COBLL1: variants seen among roughly 807,000 people sequenced by gnomAD.
COBLL1 encodes cordon-bleu protein-like 1.
A neutral mutation model predicts 94.8 loss-of-function variants in COBLL1; 50 were observed. That is an observed-to-expected ratio of 0.53 (90% CI 0.42 to 0.67). The LOEUF is 0.67. COBLL1 is among the 30% of genes least tolerant of loss of function. The probability of loss-of-function intolerance (pLI) is 0.00; values close to 1 mark genes in which losing one functional copy is unlikely to be tolerated. For missense variants in COBLL1, 1,362 were observed against 1,348.7 expected (o/e 1.01, Z -0.15); for synonymous variants, 448 against 473.8 (o/e 0.95, Z 0.71).
At chr2:164,819,041 G>T (rs111346498) in intron 2 of COBLL1, among the ~76,000 whole-genome samples, 2,217 of 151,906 alleles carry the variant, frequency 0.015, 46 homozygotes, top group African/African-American at 0.051. Context: ...AAAGTGCTGG[G>T]ACTACAGGTG....
At chr2:164,716,265 A>G (rs1325423626) in intron 7 of COBLL1, among the ~76,000 whole-genome samples, 3 of 152,172 alleles carry the variant, frequency 2.0e-5, no homozygotes, top group Non-Finnish European at 4.4e-5. Context: ...ATCGTAAATA[A>G]CTGTGTACAT....
intron 2 of COBLL1, among the ~76,000 whole-genome samples, chr2:164,785,571 C>G (rs1241445830): frequency 6.6e-6 from 1 of 152,140 alleles, no homozygotes; most frequent in Non-Finnish European, 1.5e-5. Flanking sequence ...GAGCCAGGAA[C>G]AGACACATAA....
intron 2 of COBLL1, among the ~76,000 whole-genome samples, chr2:164,782,419 A>AAACCGAAT (rs1313621558): frequency 1.3e-4 from 20 of 152,206 alleles, no homozygotes; most frequent in Admixed American, 1.2e-3. Flanking sequence ...TCAACTGAGC[A>AAACCGAAT]AGAAAGATCA....
rs181709543 is a variant in COBLL1, at chr2:164,699,960, C to T, written c.1461-461G>A. Among the ~76,000 whole-genome samples, 8 of 152,002 alleles carry T rather than the reference C, an allele frequency of 5.3e-5. 1 individual carries two copies. Among genetic ancestry groups the T allele is most frequent in the East Asian group, 3.9e-4 (2 of 5,180 alleles). On this transcript the variant is annotated intron_variant, in intron 10 of 13. Coordinates refer to ENST00000652658, the MANE Select transcript of COBLL1 (RefSeq NM_001365672.2). ...ACAATCTCATGCAAATTATAATAAA[C>T]GTCTGACATATATGGTTTATTTTGC...
rs562215246 is a variant in COBLL1 at position 164,709,322 on chromosome 2, C to T, written c.997-4217G>A. 4.6e-5 allele frequency among the ~76,000 whole-genome samples: 7 copies of T among 152,254 alleles called. No homozygotes were observed. In the East Asian group the frequency reaches 1.2e-3, roughly 25 times the overall value. On this transcript the variant is annotated intron_variant, in intron 7 of 13. Coordinates refer to ENST00000652658, the MANE Select transcript of COBLL1 (RefSeq NM_001365672.2). The stretch of plus-strand genomic sequence containing the variant: ...CAGGGGAAGCATTTATTTTACAACC[C>T]TATTCTGTGACATTCACCACCCTTA...
chr2:164,824,932 A>G (rs148044190), intron 2 of COBLL1, among the ~76,000 whole-genome samples: 3,175 of 152,278 alleles, frequency 0.021, 76 homozygotes, highest in Admixed American at 0.062. Context: ...AGTTGTCAAA[A>G]AGCAAAGTGG....
intron 7 of COBLL1, among the ~76,000 whole-genome samples, chr2:164,711,501 T>C (rs1020060670): frequency 3.3e-5 from 5 of 152,180 alleles, no homozygotes; most frequent in African/African-American, 9.7e-5. Context: ...TGTATAAACA[T>C]TCATTGTGGG....
At chr2:164,730,515 A>AAAC (rs1029427934) in intron 3 of COBLL1, among the ~76,000 whole-genome samples, 23 of 151,664 alleles carry the variant, frequency 1.5e-4, no homozygotes, top group Admixed American at 3.3e-4. Context: ...ATAACAATAA[A>AAAC]AACAACAACA....
intron 13 of COBLL1, chr2:164,687,528 G>A: frequency 1.5e-6 from 2 of 1,345,780 alleles, no homozygotes; most frequent in South Asian, 2.3e-5. Context: ...TGGTAACTTG[G>A]CCAATGTGAC....
chr2:164,776,406 G>A (rs982788542), intron 2 of COBLL1, among the ~76,000 whole-genome samples: 6 of 151,962 alleles, frequency 3.9e-5, no homozygotes, highest in African/African-American at 7.3e-5. Flanking sequence ...CCCCGTCTTA[G>A]AGGCTTTGCC....
At chr2:164,716,433 A>G (rs1201857591) in intron 7 of COBLL1, among the ~76,000 whole-genome samples, 1 of 152,188 alleles carries the variant, frequency 6.6e-6, no homozygotes, top group Non-Finnish European at 1.5e-5. Flanking sequence ...CTAATGGGAA[A>G]GTTTTCTTTT....
intron 2 of COBLL1, among the ~76,000 whole-genome samples, chr2:164,762,310 A>G (rs1280102434): frequency 6.6e-6 from 1 of 152,214 alleles, no homozygotes; most frequent in African/African-American, 2.4e-5. Context: ...AAGTCAACTG[A>G]GCATGTGTGT....
At chr2:164,755,826 T>C (rs1225902269) in intron 2 of COBLL1, among the ~76,000 whole-genome samples, 1 of 152,210 alleles carries the variant, frequency 6.6e-6, no homozygotes, top group African/African-American at 2.4e-5. Flanking sequence ...ACAGTATTTA[T>C]CATCCTGCCA....
Position 164,744,545 on chromosome 2 carries a change from G to C in COBLL1, c.42-670C>G, listed in dbSNP as rs150758023. ...AAAGAAGCATGAAGCATGCTAGCCA[G>C]ATGTGGTGGCACACAGCAGAGATTC... On this transcript the variant is annotated intron_variant, in intron 2 of 13. Coordinates refer to ENST00000652658, the MANE Select transcript of COBLL1 (RefSeq NM_001365672.2). Among the ~76,000 whole-genome samples the C allele has an allele frequency of 2.5e-4, 38 of 152,272 alleles. No individual in the cohort carries two copies. The East Asian group carries it at 6.6e-3, about 26-fold the overall frequency.
At chr2:164,716,025 C>A (rs1685151818) in intron 7 of COBLL1, among the ~76,000 whole-genome samples, 1 of 152,190 alleles carries the variant, frequency 6.6e-6, no homozygotes, top group South Asian at 2.1e-4. Context: ...CCTGACTCTT[C>A]TTCCACTTAT....
chr2:164,665,477 A>G (rs1691144485), intron 2 of COBLL1, among the ~76,000 whole-genome samples: 1 of 151,808 alleles, frequency 6.6e-6, no homozygotes, highest in African/African-American at 2.4e-5. Flanking sequence ...AAAAAAAAAA[A>G]GACATGGCAT....
chr2:164,712,432 T>C (rs989715230), intron 7 of COBLL1, among the ~76,000 whole-genome samples: 3 of 152,220 alleles, frequency 2.0e-5, no homozygotes, highest in South Asian at 2.1e-4. Context: ...AACTCATGTT[T>C]TGTTTTTCAA....
At chr2:164,823,670 C>T (rs528019747) in intron 2 of COBLL1, among the ~76,000 whole-genome samples, 1 of 152,228 alleles carries the variant, frequency 6.6e-6, no homozygotes, top group South Asian at 2.1e-4. Flanking sequence ...CTCGTTTTTT[C>T]CCCTGAGAAC....
At chr2:164,803,465 C>T (rs13391638) in intron 2 of COBLL1, among the ~76,000 whole-genome samples, 51,587 of 148,320 alleles carry the variant, frequency 0.35, 9,003 homozygotes, top group Admixed American at 0.4. Context: ...CTTGGGAGGC[C>T]GAGGCAGGAG....
Sources: allele counts gnomAD v4.1 joint callset (sites outside exome capture counted in the v4.1 genomes callset), GRCh38; gene constraint gnomAD v4.1.1; transcripts MANE v1.5; gene names NCBI Gene and HGNC (gene_info 2026-07-23, HGNC 2026-07-21).